HORMAD2: variants seen among roughly 807,000 people sequenced by gnomAD.
HORMAD2 encodes HORMA domain-containing protein 2.
In HORMAD2, 45 loss-of-function variants were observed where a neutral mutation model predicts 38.8. The observed-to-expected ratio is 1.16, with a 90% CI of 0.91 to 1.49. The LOEUF (loss-of-function observed/expected upper bound fraction) is 1.49. HORMAD2 is among the 40% of genes most tolerant of loss of function. The pLI is 0.00. For missense variants in HORMAD2, 338 were observed against 367.0 expected, an observed-to-expected ratio of 0.92 and a Z score of 0.65; for synonymous variants, 126 against 122.8, an observed-to-expected ratio of 1.03 and a Z score of -0.17.
At chr22:30,094,120 A>G in intron 2 of HORMAD2, 117 bp downstream of exon 2, 1 of 698,996 alleles carries the variant, frequency 1.4e-6, no homozygotes. Context: ...TAATTGGCAC[A>G]TAATATTCTG....
intron 1 of HORMAD2, among the ~76,000 whole-genome samples, chr22:30,089,493 T>A (rs1001073213): frequency 7.9e-5 from 12 of 151,842 alleles, no homozygotes; most frequent in African/African-American, 2.9e-4. Flanking sequence ...GCTGGGACTA[T>A]AGGCGCCTGC....
At chr22:30,127,596 GCCT>G (rs1370330817) in intron 10 of HORMAD2, among the ~76,000 whole-genome samples, 2 of 152,170 alleles carry the variant, frequency 1.3e-5, no homozygotes, top group Non-Finnish European at 2.9e-5. Flanking sequence ...GCTGGCCTTG[GCCT>G]CCTCAAGTGC....
At chr22:30,112,759 C>A (rs373056996) in intron 7 of HORMAD2, among the ~76,000 whole-genome samples, 1 of 152,060 alleles carries the variant, frequency 6.6e-6, no homozygotes, top group East Asian at 1.9e-4. Flanking sequence ...AGCTTATTCC[C>A]TAACCTGTTG....
the HORMAD2 span, among the ~76,000 whole-genome samples, chr22:30,204,625 C>T: frequency 2.6e-5 from 4 of 152,246 alleles, no homozygotes; most frequent in South Asian, 2.1e-4. Flanking sequence ...CTGTCCTGGC[C>T]GTCCCTACAT....
At chr22:30,184,207 T>A in the HORMAD2 span, among the ~76,000 whole-genome samples, 25 of 152,192 alleles carry the variant, frequency 1.6e-4, no homozygotes, top group Admixed American at 1.6e-3. Flanking sequence ...GGGTCTTCCA[T>A]AAAGAGGAGT....
rs750796623 is a variant in HORMAD2, at chr22:30,129,217, CAAAAAAAAAAAAAAAAAAAAAAAAAAA to C, written c.819+7016_819+7042del. Among the ~76,000 whole-genome samples the C allele has an allele frequency of 1.1e-3, 25 of 22,618 alleles. No homozygotes were observed. The Admixed American group carries it at 0.018, about 16-fold the overall frequency. 14.8% of individuals were successfully genotyped at this position (22,618 alleles called of 152,430 possible). On this transcript the variant is annotated intron_variant, in intron 10 of 10. Coordinates refer to ENST00000336726, the MANE Select transcript of HORMAD2 (RefSeq NM_152510.4). ...TGGGTGGCAGAGTGAGACTCTATCT[CAAAAAAAAAAAAAAAAAAAAAAAAAAA>C]AAAAAAAAAAAAGAGAGAGAGAGAA...
At chr22:30,116,257 A>G (rs9614145) in intron 7 of HORMAD2, among the ~76,000 whole-genome samples, 23,475 of 152,172 alleles carry the variant, frequency 0.15, 1,906 homozygotes, top group South Asian at 0.26. Context: ...AGAGGCAGAC[A>G]GGGGACAGAT....
At chr22:30,105,294 A>C (rs1921105114) in intron 5 of HORMAD2, 1 of 174,012 alleles carries the variant, frequency 5.7e-6, no homozygotes, top group Admixed American at 5.9e-5. Flanking sequence ...TCCCGCATGA[A>C]CTTGGTGTGT....
At chr22:30,095,926 GC>G (rs2068773651) in intron 2 of HORMAD2, among the ~76,000 whole-genome samples, 1 of 151,984 alleles carries the variant, frequency 6.6e-6, no homozygotes, top group Non-Finnish European at 1.5e-5. Flanking sequence ...TCCCTCTCAT[GC>G]TGTCTTCTAG....
the HORMAD2 span, among the ~76,000 whole-genome samples, chr22:30,186,701 AG>A: frequency 6.6e-6 from 1 of 152,084 alleles, no homozygotes; most frequent in Non-Finnish European, 1.5e-5. Context: ...TGCACCTCCC[AG>A]GCCTACGTGA....
the HORMAD2 span, among the ~76,000 whole-genome samples, chr22:30,197,650 T>A: frequency 1.3e-5 from 2 of 152,270 alleles, no homozygotes; most frequent in Non-Finnish European, 2.9e-5. Context: ...GGAAACCAGT[T>A]ATGGACAACA....
intron 10 of HORMAD2, among the ~76,000 whole-genome samples, chr22:30,162,853 C>A (rs1925535694): frequency 1.3e-5 from 2 of 151,968 alleles, no homozygotes; most frequent in Non-Finnish European, 1.5e-5. Context: ...CAGGCACCCA[C>A]CATCATGCCT....
chr22:30,102,755 A>G (rs895664726), intron 3 of HORMAD2, among the ~76,000 whole-genome samples: 1 of 152,150 alleles, frequency 6.6e-6, no homozygotes, highest in Non-Finnish European at 1.5e-5. Context: ...CTTCCTGAGT[A>G]GTTGGGAGTA....
chr22:30,194,700 C>T, the HORMAD2 span, among the ~76,000 whole-genome samples: 2 of 152,252 alleles, frequency 1.3e-5, no homozygotes, highest in East Asian at 1.9e-4. Context: ...CAGGTCACAA[C>T]GGGGAACTGA....
intron 1 of HORMAD2, among the ~76,000 whole-genome samples, chr22:30,093,457 A>T (rs1400467003): frequency 3.9e-5 from 6 of 152,130 alleles, no homozygotes; most frequent in East Asian, 1.9e-4. Flanking sequence ...TCTCTAGGTG[A>T]TTTACAATGT....
chr22:30,144,560 G>A (rs983949090), intron 10 of HORMAD2, among the ~76,000 whole-genome samples: 11 of 152,206 alleles, frequency 7.2e-5, no homozygotes, highest in African/African-American at 9.6e-5. Context: ...CAGCTCTGGA[G>A]CTAGGTACGG....
At chr22:30,078,821 G>T (rs556825229), upstream of HORMAD2, among the ~76,000 whole-genome samples, 62 of 152,158 alleles carry the variant, frequency 4.1e-4, no homozygotes, top group Non-Finnish European at 7.4e-4. Flanking sequence ...TAGTGATCCA[G>T]CCAGAGAGGC....
At chr22:30,109,554 T>G (rs1921470536) in intron 5 of HORMAD2, among the ~76,000 whole-genome samples, 1 of 152,176 alleles carries the variant, frequency 6.6e-6, no homozygotes, top group African/African-American at 2.4e-5. Context: ...TGGGTTCAAA[T>G]GATCTGCCCA....
the HORMAD2 span, among the ~76,000 whole-genome samples, chr22:30,187,694 A>G: frequency 6.6e-6 from 1 of 152,174 alleles, no homozygotes; most frequent in Non-Finnish European, 1.5e-5. Context: ...GGAGTGGGGT[A>G]GAGGACTGCT....
Sources: gnomAD v4.1 joint callset for allele counts (sites outside exome capture counted in the v4.1 genomes callset) on GRCh38, gnomAD v4.1.1 for gene constraint, MANE v1.5 for transcripts, NCBI Gene and HGNC (gene_info 2026-07-23, HGNC 2026-07-21) for gene names.